GOLGA8H: variants seen among roughly 807,000 people sequenced by gnomAD.
GOLGA8H encodes golgin subfamily A member 8H.
A neutral mutation model predicts 82.7 loss-of-function variants in GOLGA8H; 47 were observed. That is an observed-to-expected ratio of 0.57 (90% CI 0.45 to 0.73). The LOEUF (loss-of-function observed/expected upper bound fraction) is 0.73. Among genes scored for constraint, GOLGA8H ranks in the 30% least tolerant of loss-of-function variants. The pLI, the probability that GOLGA8H is intolerant of heterozygous loss-of-function variation, is 0.00. For synonymous variants in GOLGA8H, 108 were observed against 241.6 expected, an observed-to-expected ratio of 0.45 and a Z score of 5.13; for missense variants, 372 against 661.0, an observed-to-expected ratio of 0.56 and a Z score of 4.79.
In GOLGA8H at chr15:30,615,322, T is replaced by C. The variant is rs1012506488; in HGVS notation, c.*761T>C. The stretch of plus-strand genomic sequence containing the variant: ...AGGATTTGTATGTGCTCTGGGCTCA[T>C]GAAGATACTGCATCATGAGCTGCAG... On this transcript the variant is annotated 3_prime_UTR_variant, in exon 19 of 19. Coordinates refer to ENST00000566740, the MANE Select transcript of GOLGA8H (RefSeq NM_001282490.2). 2.8e-4 allele frequency among the ~76,000 whole-genome samples: 42 copies of C among 151,970 alleles called. No homozygotes were observed. Among genetic ancestry groups the C allele is most frequent in the African/African-American group, 8.9e-4 (37 of 41,480 alleles).
intron 6 of GOLGA8H, 32 bp downstream of exon 6, chr15:30,608,410 C>T: frequency 6.4e-7 from 1 of 1,572,930 alleles, no homozygotes; most frequent in South Asian, 1.1e-5. Flanking sequence ...TCCTCCTGTC[C>T]TCCGGAGAAG....
At position 30,613,043 on chromosome 15, in the gene GOLGA8H, G is replaced by A; in HGVS notation, c.1277-61G>A. 8.7e-6 allele frequency: 9 copies of A among 1,039,052 alleles called. 2 individuals carry two copies. Among genetic ancestry groups the A allele is most frequent in the South Asian group, 4.1e-5 (3 of 74,054 alleles). 64.4% of individuals were successfully genotyped at this position (1,039,052 alleles called of 1,614,324 possible). On this transcript the variant is annotated intron_variant, in intron 14 of 18. Transcript: ENST00000566740. ...TTACACAGTGAGGGTGGAGGTAGAG[G>A]TGGGCCCACAGTTCCTCCCTTGTTG...
Position 30,615,985 on chromosome 15 carries a change from TATC to T in GOLGA8H, c.*1426_*1428del, listed in dbSNP as rs984598104. ...CTACTGTTCGTGAATGTCAATGTAT[TATC>T]AGGAAACGTGTCTATACAATCACAG... On this transcript the variant is annotated 3_prime_UTR_variant, in exon 19 of 19. Coordinates refer to ENST00000566740, the MANE Select transcript of GOLGA8H (RefSeq NM_001282490.2). 1.3e-5 allele frequency among the ~76,000 whole-genome samples: 2 copies of T among 151,710 alleles called. No homozygotes were observed. The highest frequency in any genetic ancestry group is 1.5e-5 in the Non-Finnish European group (1 of 67,910).
At chr15:30,612,980 A>G (rs2060046725) in intron 14 of GOLGA8H, 124 bp from the exon 15 acceptor site, 4 of 587,164 alleles carry the variant, frequency 6.8e-6, no homozygotes, top group Non-Finnish European at 1.2e-5. Context: ...AATAAAGAAC[A>G]ACAGCTCATT....
Position 30,608,747 on chromosome 15 carries a change from G to A in GOLGA8H, c.582G>A (p.Lys194=). 1 of 1,475,674 alleles carries A rather than the reference G, an allele frequency of 6.8e-7. No homozygotes were observed. The highest frequency in any genetic ancestry group is 1.2e-5 in the South Asian group (1 of 83,752). 91.4% of individuals were successfully genotyped at this position (1,475,674 alleles called of 1,614,324 possible). The change falls in exon 8 of 19, where the codon AAG becomes AAA. Residue 194 remains lysine, a synonymous_variant. Transcript: ENST00000566740. ...ATGTCATGGCCACACAGAAGAAGAAGGCAAACCAGGTGAGTCCAACCACCT... is the reference window on the plus strand; with the variant it reads ...ATGTCATGGCCACACAGAAGAAGAAAGCAAACCAGGTGAGTCCAACCACCT... ...LSNVMATQKK[K]ANQLSSRSKA...
In GOLGA8H at chr15:30,617,752, A is replaced by C. The variant is rs1333182992; in HGVS notation, c.*3191A>C. 1 of 147,426 alleles carries C rather than the reference A, an allele frequency of 6.8e-6. No homozygotes were observed. The highest frequency in any genetic ancestry group is 2.2e-4 in the South Asian group (1 of 4,598). 9.1% of individuals were successfully genotyped at this position (147,426 alleles called of 1,614,324 possible). ...GTAATAAATTATTAAATTGTTTCTA[A>C]GTGTTGTTTTTGCCTTAAAATTTTA... is the stretch of plus-strand genomic sequence containing the variant. On this transcript the variant is annotated 3_prime_UTR_variant, in exon 19 of 19. Coordinates refer to ENST00000566740, the MANE Select transcript of GOLGA8H (RefSeq NM_001282490.2).
Position 30,615,301 on chromosome 15 carries a change from T to C in GOLGA8H, c.*740T>C, listed in dbSNP as rs995441643. On this transcript the variant is annotated 3_prime_UTR_variant, in exon 19 of 19. Coordinates refer to ENST00000566740, the MANE Select transcript of GOLGA8H (RefSeq NM_001282490.2). ...GTGTATTATGGTGGTTCCCTTAGGA[T>C]TTGTATGTGCTCTGGGCTCATGAAG... is the stretch of plus-strand genomic sequence containing the variant. Among the ~76,000 whole-genome samples the C allele has an allele frequency of 1.8e-4, 27 of 151,692 alleles. No individual in the cohort carries two copies. The highest frequency in any genetic ancestry group is 6.3e-4 in the African/African-American group (26 of 41,302).
intron 2 of GOLGA8H, 45 bp downstream of exon 2, chr15:30,606,007 G>A (rs2059918591): frequency 3.2e-6 from 5 of 1,568,408 alleles, no homozygotes; most frequent in Non-Finnish European, 4.3e-6. Flanking sequence ...GGGCCCAAGG[G>A]GCAATAGAGG....
chr15:30,604,399 A>C, intron 1 of GOLGA8H, among the ~76,000 whole-genome samples: 2 of 118,376 alleles, frequency 1.7e-5, no homozygotes, highest in African/African-American at 3.7e-5. Flanking sequence ...TGGGTGGGTG[A>C]GTCCTGGGGC....
intron 8 of GOLGA8H, 58 bp from the exon 9 acceptor site, chr15:30,609,748 C>T (rs2059986284): frequency 2.5e-6 from 4 of 1,573,624 alleles, no homozygotes; most frequent in Middle Eastern, 2.2e-4. Context: ...TTTTAAGGGG[C>T]ACTGTGTGGA....
rs554944063 is a variant in GOLGA8H at position 30,614,992 on chromosome 15, C to G, written c.*431C>G. ...TGCCTATGTTCTGCTGTTGTTTGAT[C>G]TAATCTTAATCACAGTGAGCTCTTC... is the stretch of plus-strand genomic sequence containing the variant. On this transcript the variant is annotated 3_prime_UTR_variant, in exon 19 of 19. Coordinates refer to ENST00000566740, the MANE Select transcript of GOLGA8H (RefSeq NM_001282490.2). Among the ~76,000 whole-genome samples the G allele has an allele frequency of 7.0e-4, 107 of 151,882 alleles. No homozygotes were observed. Among genetic ancestry groups the G allele is most frequent in the African/African-American group, 1.9e-3 (79 of 41,434 alleles).
intron 13 of GOLGA8H, 73 bp from the exon 14 acceptor site, chr15:30,612,524 C>G: frequency 2.3e-6 from 3 of 1,329,342 alleles, no homozygotes; most frequent in South Asian, 1.2e-5. Flanking sequence ...GGGGAGGGAG[C>G]TGCTGAGGAT....
Position 30,608,365 on chromosome 15 carries a change from A to G in GOLGA8H, c.383A>G (p.Lys128Arg), listed in dbSNP as rs2059957873. Residue 128 changes from lysine (K) to arginine (R), a missense_variant, in exon 6 of 19, where the codon AAA (lysine) becomes AGA (arginine). Transcript: ENST00000566740. ...GCAAACAACAAGAAACAGAAAGCCA[A>G]AAGGGTGCTAGAGGTGAGTGGAGGG... ...KKANNKKQKA[K>R]RVLEVQIQTL... The G allele has an allele frequency of 3.8e-6, 6 of 1,577,858 alleles. No individual in the cohort carries two copies. In the African/African-American group the frequency reaches 4.1e-5, roughly 11 times the overall value.
At chr15:30,606,096 T>G in intron 2 of GOLGA8H, 134 bp downstream of exon 2, 1 of 1,445,548 alleles carries the variant, frequency 6.9e-7, no homozygotes, top group East Asian at 2.5e-5. Flanking sequence ...GGCCCACGCC[T>G]GTAATCCTAG....
At chr15:30,613,373 G>T (rs1457487550) in intron 15 of GOLGA8H, among the ~76,000 whole-genome samples, 178 bp downstream of exon 15, 1 of 93,792 alleles carries the variant, frequency 1.1e-5, no homozygotes, top group Admixed American at 9.5e-5. Flanking sequence ...AGGCTCCAAG[G>T]GAAGGGGCTG....
chr15:30,617,311 AT>A lies in GOLGA8H; in HGVS notation c.*2752del, dbSNP rs2060115150. The A allele has an allele frequency of 6.6e-6, 1 of 152,008 alleles. No individual in the cohort carries two copies. The highest frequency in any genetic ancestry group is 1.5e-5 in the Non-Finnish European group (1 of 67,978). 9.4% of individuals were successfully genotyped at this position (152,008 alleles called of 1,614,324 possible). ...ATAATAATCATTTTAAAAGTATTTG[AT>A]TAAACCTGATAATTTTCCAGAAATG... On this transcript the variant is annotated 3_prime_UTR_variant, in exon 19 of 19. Coordinates refer to ENST00000566740, the MANE Select transcript of GOLGA8H (RefSeq NM_001282490.2).
In GOLGA8H at chr15:30,613,305, C is replaced by A. The variant is rs572414788; in HGVS notation, c.1368+110C>A. On this transcript the variant is annotated intron_variant, in intron 15 of 18. Coordinates refer to ENST00000566740, the MANE Select transcript of GOLGA8H (RefSeq NM_001282490.2). ...TTCTGATTTCTCTGGACCCTCACCCCTTCCGAGAGCCAGTGGTCAGACTCC... is the reference window on the plus strand; with the variant it reads ...TTCTGATTTCTCTGGACCCTCACCCATTCCGAGAGCCAGTGGTCAGACTCC... 113 of 656,466 alleles carry A rather than the reference C, an allele frequency of 1.7e-4. 27 individuals carry two copies. In the Admixed American group the frequency reaches 2.2e-3, roughly 13 times the overall value. 40.7% of individuals were successfully genotyped at this position (656,466 alleles called of 1,614,324 possible).
intron 13 of GOLGA8H, among the ~76,000 whole-genome samples, chr15:30,611,908 C>G (rs1229927401): frequency 3.2e-3 from 283 of 87,500 alleles, no homozygotes; most frequent in Admixed American, 4.3e-3. Flanking sequence ...CACAGAGTGA[C>G]ACTCTTGTCT....
Position 30,614,660 on chromosome 15 carries a change from T to TA in GOLGA8H, c.*100dup, listed in dbSNP as rs2060083063. On this transcript the variant is annotated 3_prime_UTR_variant, in exon 19 of 19. Coordinates refer to ENST00000566740, the MANE Select transcript of GOLGA8H (RefSeq NM_001282490.2). ...CAATTCATTTACTTCCTTTGAATGT[T>TA]AGAGTCACTCATGATTATTTGTTTT... 8.8e-7 allele frequency: 1 copy of TA among 1,142,268 alleles called. No individual in the cohort carries two copies. Among genetic ancestry groups the TA allele is most frequent in the Non-Finnish European group, 1.2e-6 (1 of 810,902 alleles). 70.8% of individuals were successfully genotyped at this position (1,142,268 alleles called of 1,614,324 possible).
Sources: gnomAD v4.1 joint callset for allele counts (sites outside exome capture counted in the v4.1 genomes callset) on GRCh38, gnomAD v4.1.1 for gene constraint, MANE v1.5 for transcripts, NCBI Gene and HGNC (gene_info 2026-07-23, HGNC 2026-07-21) for gene names.